Variants in SP140L observed in about 807,000 individuals in gnomAD.
SP140L encodes the protein SP140 like nuclear body protein.
A neutral mutation model predicts 84.3 loss-of-function variants in SP140L; 64 were observed. The ratio of observed to expected loss-of-function variants is 0.76; its 90% CI spans 0.62 to 0.94. The LOEUF is 0.94. Among genes scored for constraint, SP140L ranks in the 40% least tolerant of loss-of-function variants. The pLI is 0.00. For synonymous variants in SP140L, 242 were observed against 236.9 expected (o/e 1.02, Z -0.20); for missense variants, 628 against 692.5 (o/e 0.91, Z 1.05).
chr2:230,400,497 G>T (rs2062274917), intron 15 of SP140L: 1 of 508,022 alleles, frequency 2.0e-6, no homozygotes, highest in Non-Finnish European at 3.5e-6. Flanking sequence ...TACTGGTATT[G>T]TCCTTTCCTT....
intron 7 of SP140L, among the ~76,000 whole-genome samples, chr2:230,376,852 C>T (rs1025512482): frequency 4.6e-5 from 7 of 151,958 alleles, no homozygotes; most frequent in Non-Finnish European, 1.0e-4. Flanking sequence ...CAAAACAGTG[C>T]TGGCATAAAA....
At chr2:230,335,947 A>G (rs2059863367) in intron 2 of SP140L, among the ~76,000 whole-genome samples, 1 of 152,250 alleles carries the variant, frequency 6.6e-6, no homozygotes, top group African/African-American at 2.4e-5. Flanking sequence ...AAGCAAGTAC[A>G]TACTCAAGAG....
intron 2 of SP140L, among the ~76,000 whole-genome samples, chr2:230,333,257 CA>C (rs2059776249): frequency 6.6e-6 from 1 of 151,682 alleles, no homozygotes; most frequent in Non-Finnish European, 1.5e-5. Context: ...CTCCCAGGTT[CA>C]AGTGATTCTC....
chr2:230,386,960 G>A (rs751906781), intron 9 of SP140L, among the ~76,000 whole-genome samples: 1 of 152,182 alleles, frequency 6.6e-6, no homozygotes, highest in African/African-American at 2.4e-5. Context: ...TACGGTGAGT[G>A]CGGACCCTCA....
chr2:230,362,724 A>G (rs7579078), intron 5 of SP140L, among the ~76,000 whole-genome samples: 58,536 of 151,964 alleles, frequency 0.39, 13,371 homozygotes, highest in East Asian at 0.68. Flanking sequence ...AATCTGGACA[A>G]ACCACTTACG....
At chr2:230,402,530 T>G (rs2062397472) in intron 18 of SP140L, among the ~76,000 whole-genome samples, 1 of 152,220 alleles carries the variant, frequency 6.6e-6, no homozygotes. Flanking sequence ...ACTTCAACAT[T>G]GTTAAGAGAG....
intron 2 of SP140L, among the ~76,000 whole-genome samples, chr2:230,352,064 C>T (rs112071968): frequency 0.024 from 3,608 of 152,144 alleles, 146 homozygotes; most frequent in African/African-American, 0.082. Context: ...TTTTATATAT[C>T]TCCATTTATT....
At chr2:230,379,016 A>G (rs1340472437) in intron 7 of SP140L, among the ~76,000 whole-genome samples, 1 of 152,148 alleles carries the variant, frequency 6.6e-6, no homozygotes, top group Non-Finnish European at 1.5e-5. Flanking sequence ...ATTCTGCTTT[A>G]TCCATATTGG....
At chr2:230,363,366 A>G (rs1223833476) in intron 5 of SP140L, among the ~76,000 whole-genome samples, 1 of 152,124 alleles carries the variant, frequency 6.6e-6, no homozygotes, top group Non-Finnish European at 1.5e-5. Context: ...TCTAACCTGT[A>G]TGTGGTGATA....
intron 5 of SP140L, 90 bp downstream of exon 5, chr2:230,361,787 G>A: frequency 2.1e-6 from 2 of 952,102 alleles, no homozygotes; most frequent in Non-Finnish European, 3.2e-6. Flanking sequence ...AGGGGAAATT[G>A]TGAAACAGGG....
intron 4 of SP140L, among the ~76,000 whole-genome samples, chr2:230,360,045 A>T (rs2060668396): frequency 6.8e-6 from 1 of 146,796 alleles, no homozygotes. Context: ...AATGGTACAC[A>T]GTAAAGAAGG....
chr2:230,373,189 A>T (rs2061141893), intron 7 of SP140L, among the ~76,000 whole-genome samples: 1 of 152,268 alleles, frequency 6.6e-6, no homozygotes, highest in East Asian at 1.9e-4. Context: ...GCAAATGCTG[A>T]TGTAGAAGCT....
rs551978921 is a variant in SP140L, at chr2:230,350,611, A to T, written c.108-7194A>T. Among the ~76,000 whole-genome samples the T allele has an allele frequency of 2.0e-5, 3 of 152,374 alleles. No individual in the cohort carries two copies. The South Asian group carries it at 6.2e-4, about 32-fold the overall frequency. On this transcript the variant is annotated intron_variant, in intron 2 of 18. Transcript: ENST00000415673. ...AGATGCCACTGCCCTTATGGCATAC[A>T]TATTTTTGGGAGAAGAGAGACAATG...
At position 230,402,997 on chromosome 2, in the gene SP140L, T is replaced by A; in HGVS notation, c.*101T>A. 1 of 916,668 alleles carries A rather than the reference T, an allele frequency of 1.1e-6. No homozygotes were observed. Among genetic ancestry groups the A allele is most frequent in the Non-Finnish European group, 1.7e-6 (1 of 597,770 alleles). The allele number at this position is 916,668 out of a possible 1,614,324, so 56.8% of individuals were successfully genotyped here. A position where few individuals can be genotyped will look rare whatever the true frequency, so the allele number is the denominator to read the frequency against. On this transcript the variant is annotated 3_prime_UTR_variant, in exon 19 of 19. Transcript: ENST00000415673. ...GAAATAGCACATGCAGGGAGAGGCT[T>A]TTCTCTGAGCCTCCCTCATCTGCCC...
Position 230,386,283 on chromosome 2 carries a change from G to T in SP140L, c.784+979G>T, listed in dbSNP as rs74894876. On this transcript the variant is annotated intron_variant, in intron 9 of 18. Transcript: ENST00000415673. Reference sequence around the variant, plus strand: ...ACTTGCTTGGGACTTTCTCAATTTTGCCAGTGAAACTCTCATGTCCTGGGC... The same window carrying T: ...ACTTGCTTGGGACTTTCTCAATTTTTCCAGTGAAACTCTCATGTCCTGGGC... 5.1e-3 allele frequency among the ~76,000 whole-genome samples: 782 copies of T among 152,194 alleles called. 2 individuals are homozygous for T. The highest frequency in any genetic ancestry group is 0.018 in the African/African-American group (746 of 41,534).
chr2:230,384,275 C>T (rs1448928900), intron 8 of SP140L, among the ~76,000 whole-genome samples: 2 of 152,138 alleles, frequency 1.3e-5, no homozygotes, highest in African/African-American at 4.8e-5. Context: ...TAACAAATCA[C>T]CATCTGGAGA....
At chr2:230,385,115 C>T (rs934286004) in intron 8 of SP140L, 109 bp from the exon 9 acceptor site, 9 of 1,019,982 alleles carry the variant, frequency 8.8e-6, no homozygotes, top group Middle Eastern at 2.1e-4. Context: ...GACACCTGCT[C>T]GAGGGGATCC....
intron 2 of SP140L, among the ~76,000 whole-genome samples, chr2:230,335,960 G>A (rs989930025): frequency 6.6e-6 from 1 of 152,186 alleles, no homozygotes; most frequent in African/African-American, 2.4e-5. Context: ...CTCAAGAGAG[G>A]ATTGTGAGTG....
intron 5 of SP140L, among the ~76,000 whole-genome samples, chr2:230,366,962 AG>A (rs1351573611): frequency 6.6e-5 from 10 of 151,982 alleles, no homozygotes; most frequent in Middle Eastern, 3.4e-3. Context: ...CGAACTCCTG[AG>A]GCAATCTGTC....
Sources: allele counts gnomAD v4.1 joint callset (sites outside exome capture counted in the v4.1 genomes callset), GRCh38; gene constraint gnomAD v4.1.1; transcripts MANE v1.5; gene names NCBI Gene and HGNC (gene_info 2026-07-23, HGNC 2026-07-21).